The following ASRGL1 variants were observed in gnomAD, a reference collection of about 807,000 sequenced individuals.
The protein encoded by ASRGL1 is asparaginase and isoaspartyl peptidase 1.
Under a neutral mutation model 22.4 loss-of-function variants are expected in ASRGL1, and 16 were observed. The observed-to-expected ratio is 0.71, with a 90% CI of 0.48 to 1.08. ASRGL1 has a LOEUF of 1.08. Among genes scored for constraint, ASRGL1 ranks in the 50% least tolerant of loss-of-function variants. ASRGL1 has a pLI of 0.00. For synonymous variants in ASRGL1, 165 were observed against 159.3 expected (o/e 1.04, Z -0.27); for missense variants, 412 against 410.1 (o/e 1.00, Z -0.04).
intron 4 of ASRGL1, among the ~76,000 whole-genome samples, chr11:62,368,524 T>C (rs1441342947): frequency 1.3e-5 from 2 of 152,116 alleles, no homozygotes; most frequent in Admixed American, 6.5e-5. Context: ...CACCTGTGGG[T>C]GTTTCTCGTC....
chr11:62,389,408 G>C, intron 5 of ASRGL1, 157 bp downstream of exon 5: 1 of 754,176 alleles, frequency 1.3e-6, no homozygotes, highest in Non-Finnish European at 2.3e-6. Flanking sequence ...GGTTGGAAGG[G>C]GTTGTTCGGG....
chr11:62,372,138 G>T, intron 4 of ASRGL1: 2 of 853,196 alleles, frequency 2.3e-6, no homozygotes, highest in East Asian at 2.4e-5. Flanking sequence ...AGCTGGGGTC[G>T]AAATGAGAAG....
chr11:62,362,730 AAATAT>A (rs545659150), intron 4 of ASRGL1, among the ~76,000 whole-genome samples: 17,393 of 92,036 alleles, frequency 0.19, 2,835 homozygotes, highest in South Asian at 0.33. Flanking sequence ...GTTATATATA[AAATAT>A]AATATATATT....
At chr11:62,361,923 T>G (rs1946444787) in intron 4 of ASRGL1, among the ~76,000 whole-genome samples, 1 of 152,170 alleles carries the variant, frequency 6.6e-6, no homozygotes, top group South Asian at 2.1e-4. Flanking sequence ...TATCTCCTCC[T>G]TAAAGTGTGA....
chr11:62,371,137 C>G, intron 4 of ASRGL1: 1 of 1,058,634 alleles, frequency 9.4e-7, no homozygotes, highest in Non-Finnish European at 1.3e-6. Flanking sequence ...CGCAACCATG[C>G]CCAGGAAGAA....
chr11:62,388,661 C>T (rs1459784081), intron 4 of ASRGL1, among the ~76,000 whole-genome samples: 1 of 118,546 alleles, frequency 8.4e-6, no homozygotes, highest in Non-Finnish European at 1.7e-5. Flanking sequence ...CAAAGTGAGA[C>T]TTCATCTCAA....
intron 4 of ASRGL1, among the ~76,000 whole-genome samples, chr11:62,383,460 G>A (rs988628747): frequency 3.3e-5 from 5 of 150,928 alleles, no homozygotes; most frequent in Non-Finnish European, 7.4e-5. Flanking sequence ...AAAATTAGCC[G>A]GGCGTAGTGG....
intron 4 of ASRGL1, among the ~76,000 whole-genome samples, chr11:62,367,641 T>G (rs1032048101): frequency 7.2e-6 from 1 of 139,560 alleles, no homozygotes; most frequent in Admixed American, 7.3e-5. Context: ...CAAAACTCCA[T>G]CTCAAAAGTG....
Position 62,358,942 on chromosome 11 carries a change from T to C in ASRGL1, c.491+1798T>C, listed in dbSNP as rs1946369894. Among the ~76,000 whole-genome samples the C allele has an allele frequency of 2.6e-5, 4 of 152,334 alleles. No individual in the cohort carries two copies. In the South Asian group the frequency reaches 8.3e-4, roughly 32 times the overall value. On this transcript the variant is annotated intron_variant, in intron 4 of 6. Transcript: ENST00000415229. ...TGAAATAGATTCTTGCATCACAAAG[T>C]ATTATTTCCCTGTAGTGCTAGGTAT...
At chr11:62,377,885 T>G (rs1173156647) in intron 4 of ASRGL1, among the ~76,000 whole-genome samples, 1 of 152,204 alleles carries the variant, frequency 6.6e-6, no homozygotes, top group Non-Finnish European at 1.5e-5. Flanking sequence ...TTTTGAACAT[T>G]GATGCCTGCT....
intron 2 of ASRGL1, among the ~76,000 whole-genome samples, chr11:62,340,963 C>T (rs892171270): frequency 1.3e-5 from 2 of 152,118 alleles, no homozygotes; most frequent in Admixed American, 6.5e-5. Context: ...ATTCCTGTTT[C>T]AGTGTGCATT....
At chr11:62,401,123 G>T in the ASRGL1 span, among the ~76,000 whole-genome samples, 32 of 152,348 alleles carry the variant, frequency 2.1e-4, 1 homozygote, top group Non-Finnish European at 1.2e-4. Context: ...AGTGCCCAAG[G>T]CCAACCGCAT....
chr11:62,395,005 C>A (rs1195206789), downstream of ASRGL1, among the ~76,000 whole-genome samples: 3 of 152,266 alleles, frequency 2.0e-5, no homozygotes, highest in East Asian at 3.9e-4. Flanking sequence ...AAGAGGGCAG[C>A]AAACTATAAA....
intron 4 of ASRGL1, among the ~76,000 whole-genome samples, chr11:62,387,419 G>T (rs1435961529): frequency 6.6e-6 from 1 of 152,160 alleles, no homozygotes; most frequent in Non-Finnish European, 1.5e-5. Context: ...GAACTGGCCT[G>T]GGTAACTAGT....
chr11:62,361,876 A>G (rs1946443794), intron 4 of ASRGL1, among the ~76,000 whole-genome samples: 1 of 152,194 alleles, frequency 6.6e-6, no homozygotes, highest in East Asian at 1.9e-4. Context: ...GCTTGAAGAA[A>G]AACAAGCCTA....
rs368066404 is a variant in ASRGL1 at position 62,338,164 on chromosome 11, G to A, written c.187G>A (p.Ala63Thr). The change falls in exon 2 of 7, where the codon GCA becomes ACA. Residue 63 changes from alanine to threonine, a missense_variant. By Grantham distance (58) the Ala-to-Thr change is moderately conservative. Transcript: ENST00000415229. ...CCTGGAAGACGATCCCGAGTTCAAC[G>A]CAGGTAAATGTGCCTTTCAGCTAGT... ...VALEDDPEFN[A>T]GCGSVLNTNG... 2 of 1,561,104 alleles carry A rather than the reference G, an allele frequency of 1.3e-6. No homozygotes were observed. Among genetic ancestry groups the A allele is most frequent in the Non-Finnish European group, 8.6e-7 (1 of 1,156,084 alleles).
intron 4 of ASRGL1, among the ~76,000 whole-genome samples, chr11:62,362,576 TTATATAAAATATATAA>T (rs1946478308): frequency 3.8e-5 from 2 of 52,184 alleles, no homozygotes; most frequent in African/African-American, 7.0e-5. Context: ...ATAATATATA[TTATATAAAATATATAA>T]TATATATTAT....
At chr11:62,372,129 G>T (rs1946787996) in intron 4 of ASRGL1, 4 of 825,556 alleles carry the variant, frequency 4.8e-6, no homozygotes, top group Non-Finnish European at 8.5e-6. Context: ...AAGCTGTGGA[G>T]CTGGGGTCGA....
At chr11:62,371,781 T>C in intron 4 of ASRGL1, 1 of 469,358 alleles carries the variant, frequency 2.1e-6, no homozygotes, top group Non-Finnish European at 3.9e-6. Flanking sequence ...TGAAACCCCG[T>C]CTCTACTAAA....
Sources: gnomAD v4.1 joint callset for allele counts (sites outside exome capture counted in the v4.1 genomes callset) on GRCh38, gnomAD v4.1.1 for gene constraint, MANE v1.5 for transcripts, NCBI Gene and HGNC (gene_info 2026-07-23, HGNC 2026-07-21) for gene names.